Variants in DPP10 observed in about 807,000 individuals in gnomAD.
The protein encoded by DPP10 is dipeptidyl peptidase like 10.
DPP10 carries 33 observed loss-of-function variants against 120.9 expected under a neutral mutation model. The ratio of observed to expected loss-of-function variants is 0.27; its 90% CI spans 0.21 to 0.37. The LOEUF (loss-of-function observed/expected upper bound fraction) is 0.37. DPP10 is among the 10% of genes least tolerant of loss of function. The probability of loss-of-function intolerance (pLI) is 1.00; values close to 1 mark genes in which losing one functional copy is unlikely to be tolerated. For synonymous variants in DPP10, 337 were observed against 326.1 expected (o/e 1.03, Z -0.36); for missense variants, 816 against 942.8 (o/e 0.87, Z 1.76).
intron 1 of DPP10, among the ~76,000 whole-genome samples, chr2:115,179,323 A>C: frequency 6.6e-6 from 1 of 152,184 alleles, no homozygotes. Flanking sequence ...TGTGAAGTCT[A>C]AAGGCTAGTA....
chr2:115,568,907 G>T (rs1203115692), intron 5 of DPP10, among the ~76,000 whole-genome samples: 1 of 152,118 alleles, frequency 6.6e-6, no homozygotes, highest in Non-Finnish European at 1.5e-5. Context: ...TTCTATTTTT[G>T]TGGCATTTTA....
At chr2:115,136,409 T>C (rs2050654610) in intron 1 of DPP10, among the ~76,000 whole-genome samples, 1 of 152,198 alleles carries the variant, frequency 6.6e-6, no homozygotes, top group Admixed American at 6.6e-5. Flanking sequence ...CTTGATGTTA[T>C]TCTCATAGTA....
intron 1 of DPP10, among the ~76,000 whole-genome samples, chr2:114,477,234 AG>A (rs1208072623): frequency 6.6e-6 from 1 of 152,014 alleles, no homozygotes. Flanking sequence ...CTGGGATTAC[AG>A]GTGTGAGCCA....
chr2:115,585,224 T>C (rs912921428), intron 5 of DPP10, among the ~76,000 whole-genome samples: 1 of 152,172 alleles, frequency 6.6e-6, no homozygotes, highest in African/African-American at 2.4e-5. Flanking sequence ...AGCTAAGAAG[T>C]AAATTAATCA....
At chr2:115,569,040 T>G (rs1371593072) in intron 5 of DPP10, among the ~76,000 whole-genome samples, 1 of 152,228 alleles carries the variant, frequency 6.6e-6, no homozygotes, top group East Asian at 1.9e-4. Flanking sequence ...TTGCTAAATG[T>G]GAGATGTGTA....
chr2:114,841,412 T>C (rs1688145890), intron 1 of DPP10, among the ~76,000 whole-genome samples: 1 of 152,116 alleles, frequency 6.6e-6, no homozygotes, highest in African/African-American at 2.4e-5. Flanking sequence ...AGACTATGGT[T>C]TGAGGAGAAA....
At chr2:114,600,765 G>A (rs147962283) in intron 1 of DPP10, among the ~76,000 whole-genome samples, 11 of 151,934 alleles carry the variant, frequency 7.2e-5, no homozygotes, top group South Asian at 2.1e-4. Context: ...AGAAAAATAC[G>A]ATTACACATG....
intron 1 of DPP10, among the ~76,000 whole-genome samples, chr2:115,033,697 C>CTTTTTTTTTT (rs10693499): frequency 7.2e-6 from 1 of 137,964 alleles, no homozygotes; most frequent in Non-Finnish European, 1.6e-5. Context: ...ATCTTCCCTC[C>CTTTTTTTTTT]TTTTTTTTTT....
chr2:115,152,195 G>A (rs2104904871), intron 1 of DPP10, among the ~76,000 whole-genome samples: 1 of 152,226 alleles, frequency 6.6e-6, no homozygotes, highest in South Asian at 2.1e-4. Context: ...CACTGTGTAG[G>A]CCATATGGCC....
At chr2:115,812,877 A>G (rs1009359545) in intron 19 of DPP10, among the ~76,000 whole-genome samples, 12 of 151,628 alleles carry the variant, frequency 7.9e-5, no homozygotes, top group African/African-American at 2.9e-4. Flanking sequence ...AGTACATGAC[A>G]TAATGGATCT....
chr2:114,853,861 A>AGC (rs1338666589), intron 1 of DPP10, among the ~76,000 whole-genome samples: 2 of 152,130 alleles, frequency 1.3e-5, no homozygotes, highest in Non-Finnish European at 2.9e-5. Flanking sequence ...GTGGTTGTGA[A>AGC]ACCATGTGAC....
chr2:114,974,006 TAA>T (rs1699579135), intron 1 of DPP10, among the ~76,000 whole-genome samples: 1 of 152,206 alleles, frequency 6.6e-6, no homozygotes, highest in Non-Finnish European at 1.5e-5. Flanking sequence ...TGTTTTAAAT[TAA>T]GTGTTATTAC....
intron 2 of DPP10, among the ~76,000 whole-genome samples, chr2:115,336,599 C>CTA (rs71394128): frequency 0.054 from 7,898 of 145,738 alleles, 309 homozygotes; most frequent in Non-Finnish European, 0.079. Flanking sequence ...CTCTCTCTCT[C>CTA]TATATATATA....
Position 115,360,855 on chromosome 2 carries a change from G to T in DPP10, c.271+16943G>T, listed in dbSNP as rs1044164185. Reference sequence around the variant, plus strand: ...GGTGGTCTGTTGATTCAGTCGGTCAGAGGTGGAGGATCCCAGGAAGGGCAG... The same window carrying T: ...GGTGGTCTGTTGATTCAGTCGGTCATAGGTGGAGGATCCCAGGAAGGGCAG... On this transcript the variant is annotated intron_variant, in intron 3 of 25. Transcript: ENST00000410059. Among the ~76,000 whole-genome samples the T allele has an allele frequency of 2.6e-5, 4 of 152,312 alleles. No homozygotes were observed. In the South Asian group the frequency reaches 8.3e-4, roughly 32 times the overall value.
intron 1 of DPP10, among the ~76,000 whole-genome samples, chr2:114,907,581 A>G (rs961287809): frequency 1.3e-5 from 2 of 152,110 alleles, no homozygotes; most frequent in Non-Finnish European, 2.9e-5. Flanking sequence ...TTACTTTTAA[A>G]TATTCCTGCA....
At chr2:115,426,441 ACGC>A (rs2070463461) in intron 3 of DPP10, among the ~76,000 whole-genome samples, 22 of 44,032 alleles carry the variant, frequency 5.0e-4, no homozygotes, top group Non-Finnish European at 6.4e-4. Context: ...GCCACCTCCG[ACGC>A]TGGAGATGAC....
chr2:114,877,856 G>A (rs1400429848), intron 1 of DPP10, among the ~76,000 whole-genome samples: 1 of 151,708 alleles, frequency 6.6e-6, no homozygotes, highest in African/African-American at 2.4e-5. Flanking sequence ...ACCATTCCTG[G>A]CCTCTACCCA....
rs751983600 is a variant in DPP10 at position 115,162,192 on chromosome 2, G to C, written c.61-147047G>C. 9.7e-6 allele frequency: 15 copies of C among 1,551,624 alleles called. No individual in the cohort carries two copies. In the African/African-American group the frequency reaches 2.0e-4, roughly 21 times the overall value. The stretch of plus-strand genomic sequence containing the variant: ...TCCTGCTTCTCCACGGACTCTGCGG[G>C]AAGTTAGAGCCTCTGCGTGCGCTCC... On this transcript the variant is annotated intron_variant, in intron 1 of 25. Coordinates refer to ENST00000410059, the MANE Select transcript of DPP10 (RefSeq NM_020868.6).
chr2:115,490,993 C>CTGTA (rs1277564906), intron 3 of DPP10, among the ~76,000 whole-genome samples: 7 of 152,260 alleles, frequency 4.6e-5, no homozygotes, highest in Admixed American at 3.9e-4. Context: ...TGACTCACAC[C>CTGTA]TGTAGTCTCA....
Sources: gnomAD v4.1 joint callset for allele counts (sites outside exome capture counted in the v4.1 genomes callset) on GRCh38, gnomAD v4.1.1 for gene constraint, MANE v1.5 for transcripts, NCBI Gene and HGNC (gene_info 2026-07-23, HGNC 2026-07-21) for gene names.